The following ENPP1 variants were observed in gnomAD, a reference collection of about 807,000 sequenced individuals.
ENPP1 encodes the protein ectonucleotide pyrophosphatase/phosphodiesterase family member 1.
In ENPP1, 73 loss-of-function variants were observed where a neutral mutation model predicts 122.8. The observed-to-expected ratio is 0.59, with a 90% CI of 0.49 to 0.72. ENPP1 has a LOEUF of 0.72. Ranked by LOEUF, ENPP1 falls within the 30% of genes least tolerant of loss-of-function variation. The pLI, the probability that ENPP1 is intolerant of heterozygous loss-of-function variation, is 0.00. For synonymous variants in ENPP1, 367 were observed against 391.6 expected (o/e 0.94, Z 0.74); for missense variants, 978 against 1,128.1 (o/e 0.87, Z 1.91).
intron 1 of ENPP1, among the ~76,000 whole-genome samples, chr6:131,824,921 G>T (rs1181849453): frequency 2.6e-5 from 4 of 152,082 alleles, no homozygotes; most frequent in Non-Finnish European, 5.9e-5. Context: ...TTAGCCTGTT[G>T]TCGTGGCACA....
chr6:131,868,550 C>G (rs2114710736), intron 12 of ENPP1, among the ~76,000 whole-genome samples: 1 of 152,294 alleles, frequency 6.6e-6, no homozygotes, highest in Middle Eastern at 3.4e-3. Flanking sequence ...AGTGATTCTC[C>G]TACCTCAGCC....
At chr6:131,817,701 ATCTCTCTCTC>A (rs146003691) in intron 1 of ENPP1, among the ~76,000 whole-genome samples, 7 of 141,020 alleles carry the variant, frequency 5.0e-5, no homozygotes, top group African/African-American at 1.8e-4. Flanking sequence ...CCCCATGTCT[ATCTCTCTCTC>A]TCTCTCAATC....
intron 1 of ENPP1, among the ~76,000 whole-genome samples, chr6:131,846,924 C>A (rs1055889778): frequency 6.6e-6 from 1 of 152,132 alleles, no homozygotes; most frequent in African/African-American, 2.4e-5. Context: ...TGTCAAAGAC[C>A]AGAAGAGTGG....
intron 23 of ENPP1, among the ~76,000 whole-genome samples, chr6:131,886,045 G>A (rs1456389031): frequency 6.6e-6 from 1 of 152,044 alleles, no homozygotes; most frequent in Non-Finnish European, 1.5e-5. Context: ...AAGATGTTTG[G>A]GACATCTTTG....
intron 1 of ENPP1, among the ~76,000 whole-genome samples, chr6:131,811,384 ATATC>A (rs1585784893): frequency 1.7e-4 from 23 of 132,400 alleles, no homozygotes; most frequent in African/African-American, 6.3e-4. Flanking sequence ...CTATATATCT[ATATC>A]TATATCTATA....
intron 2 of ENPP1, among the ~76,000 whole-genome samples, chr6:131,848,480 C>A (rs1012514562): frequency 1.3e-5 from 2 of 151,972 alleles, no homozygotes; most frequent in African/African-American, 4.8e-5. Context: ...GAAAATTGAA[C>A]AGGTTCTTCT....
intron 11 of ENPP1, 76 bp from the exon 12 acceptor site, chr6:131,867,942 T>A: frequency 4.3e-6 from 4 of 930,414 alleles, no homozygotes; most frequent in Non-Finnish European, 5.1e-6. Context: ...TTTTTTTTTT[T>A]AACAGAGATA....
At chr6:131,879,795 G>C in intron 19 of ENPP1, 85 bp from the exon 20 acceptor site, 1 of 1,197,922 alleles carries the variant, frequency 8.3e-7, no homozygotes, top group Non-Finnish European at 1.2e-6. Context: ...TAATTAAGTA[G>C]AGGAAAGGAT....
At chr6:131,809,024 G>C (rs1781316694) in intron 1 of ENPP1, among the ~76,000 whole-genome samples, 1 of 152,118 alleles carries the variant, frequency 6.6e-6, no homozygotes, top group South Asian at 2.1e-4. Flanking sequence ...GAGAAGGCCT[G>C]GATTCCTGGC....
chr6:131,880,679 C>A (rs1421453728), intron 20 of ENPP1, among the ~76,000 whole-genome samples: 2 of 152,110 alleles, frequency 1.3e-5, no homozygotes, highest in East Asian at 3.9e-4. Context: ...TAGGATCAGT[C>A]ACAGTTACCC....
intron 1 of ENPP1, among the ~76,000 whole-genome samples, chr6:131,821,371 A>G (rs1470716933): frequency 1.3e-5 from 2 of 152,220 alleles, no homozygotes; most frequent in Non-Finnish European, 2.9e-5. Context: ...AACAAAATGA[A>G]AAAACTCAAT....
At chr6:131,824,442 TTTGTTGTTGTTG>T (rs140923936) in intron 1 of ENPP1, among the ~76,000 whole-genome samples, 6 of 132,408 alleles carry the variant, frequency 4.5e-5, no homozygotes, top group Non-Finnish European at 1.0e-4. Flanking sequence ...CCAGGCAGGA[TTTGTTGTTGTTG>T]TTGTTGTTGT....
intron 20 of ENPP1, among the ~76,000 whole-genome samples, chr6:131,881,623 C>T (rs1782308633): frequency 6.6e-6 from 1 of 152,160 alleles, no homozygotes; most frequent in Non-Finnish European, 1.5e-5. Flanking sequence ...GTGGCTCACG[C>T]CTGTAATCCC....
At position 131,826,232 on chromosome 6, in the gene ENPP1, G is replaced by A. The variant is rs1247624667; in HGVS notation, c.240+17957G>A. The A allele has an allele frequency of 1.2e-5, 11 of 950,024 alleles. No homozygotes were observed. In the African/African-American group the frequency reaches 1.3e-4, roughly 11 times the overall value. 58.8% of individuals were successfully genotyped at this position (950,024 alleles called of 1,614,324 possible). A position where few individuals can be genotyped will look rare whatever the true frequency, so the allele number is the denominator to read the frequency against. On this transcript the variant is annotated intron_variant, in intron 1 of 24. Transcript: ENST00000647893. ...CATTGCAGCTTTTTGCACTGAAACA[G>A]CCCATCTGGTAGCATCTCACTGTTG...
chr6:131,829,447 A>G (rs1277748541), intron 1 of ENPP1, among the ~76,000 whole-genome samples: 3 of 152,202 alleles, frequency 2.0e-5, no homozygotes, highest in African/African-American at 7.2e-5. Context: ...AGAAAACAAG[A>G]TAACCCTCAA....
chr6:131,851,063 G>A (rs1192441096), intron 3 of ENPP1, 79 bp from the exon 4 acceptor site: 53 of 1,511,480 alleles, frequency 3.5e-5, no homozygotes, highest in Non-Finnish European at 4.5e-5. Context: ...ATCATACTCA[G>A]GAAGACAGCA....
chr6:131,880,105 T>C (rs1050692854), intron 20 of ENPP1, 71 bp downstream of exon 20: 8 of 1,423,094 alleles, frequency 5.6e-6, no homozygotes, highest in Admixed American at 5.0e-5. Flanking sequence ...AAATGCATAG[T>C]TTCTCACTGT....
chr6:131,884,085 T>A (rs1782346612), intron 22 of ENPP1, among the ~76,000 whole-genome samples: 1 of 152,338 alleles, frequency 6.6e-6, no homozygotes, highest in Admixed American at 6.5e-5. Flanking sequence ...TTTAACTTTT[T>A]GGAAGTTCTT....
chr6:131,843,141 A>G (rs1033735689), intron 1 of ENPP1, among the ~76,000 whole-genome samples: 1 of 152,216 alleles, frequency 6.6e-6, no homozygotes, highest in South Asian at 2.1e-4. Flanking sequence ...AACTGCTTTG[A>G]CAGGAAAATT....
Sources: allele counts gnomAD v4.1 joint callset (sites outside exome capture counted in the v4.1 genomes callset), GRCh38; gene constraint gnomAD v4.1.1; transcripts MANE v1.5; gene names NCBI Gene and HGNC (gene_info 2026-07-23, HGNC 2026-07-21).